The following ADAMTSL1 variants were observed in gnomAD, a reference collection of about 807,000 sequenced individuals.
ADAMTSL1 encodes ADAMTS like 1, also known as ADAMTS-like protein 1.
In ADAMTSL1, 126 loss-of-function variants were observed where a neutral mutation model predicts 201.8. The observed-to-expected ratio is 0.62, with a 90% CI of 0.54 to 0.72. ADAMTSL1 has a LOEUF of 0.72. ADAMTSL1 is among the 30% of genes least tolerant of loss of function. The pLI, the probability that ADAMTSL1 is intolerant of heterozygous loss-of-function variation, is 0.00. For missense variants in ADAMTSL1, 2,679 were observed against 2,277.8 expected (o/e 1.18, Z -3.59); for synonymous variants, 1,121 against 903.4 (o/e 1.24, Z -4.32).
In ADAMTSL1 at chr9:18,512,924, T is replaced by A. The variant is rs141068315; in HGVS notation, c.191+7968T>A. On this transcript the variant is annotated intron_variant, in intron 2 of 28. Coordinates refer to ENST00000380548, the MANE Select transcript of ADAMTSL1 (RefSeq NM_001040272.6). ...TTATTTCTTCAATCTGTGCTTCAAC[T>A]AAAGTGGAAGAAAACTATGTGATAT... is the stretch of plus-strand genomic sequence containing the variant. Among the ~76,000 whole-genome samples, 7 of 152,314 alleles carry A rather than the reference T, an allele frequency of 4.6e-5. No individual in the cohort carries two copies. In the East Asian group the frequency reaches 1.4e-3, roughly 29 times the overall value.
chr9:18,868,403 G>A (rs1827675244), intron 23 of ADAMTSL1, among the ~76,000 whole-genome samples: 2 of 152,204 alleles, frequency 1.3e-5, no homozygotes, highest in South Asian at 2.1e-4. Flanking sequence ...TACATCAAAT[G>A]TCTAGGTTTT....
intron 2 of ADAMTSL1, among the ~76,000 whole-genome samples, chr9:18,254,394 G>C (rs190664919): frequency 1.0e-5 from 1 of 99,338 alleles, no homozygotes; most frequent in Non-Finnish European, 1.8e-5. Flanking sequence ...ATGGAATCTC[G>C]CTCTGTCCCC....
intron 19 of ADAMTSL1, among the ~76,000 whole-genome samples, chr9:18,794,113 C>T (rs184712899): frequency 1.7e-3 from 261 of 151,948 alleles, no homozygotes; most frequent in Middle Eastern, 6.8e-3. Flanking sequence ...CTTTATTCTA[C>T]TGGGAACCTA....
At position 18,369,785 on chromosome 9, in the gene ADAMTSL1, G is replaced by A. The variant is rs533284044; in HGVS notation, c.208-135044G>A. On this transcript the variant is annotated intron_variant, in intron 2 of 29. Transcript: ENST00000680146. Reference sequence around the variant, plus strand: ...ATGGATGCCTGGAAGAAGACAATGCGGTATCTATACACCATGGATACTATG... The same window carrying A: ...ATGGATGCCTGGAAGAAGACAATGCAGTATCTATACACCATGGATACTATG... Among the ~76,000 whole-genome samples, 8 of 152,232 alleles carry A rather than the reference G, an allele frequency of 5.3e-5. No homozygotes were observed. In the East Asian group the frequency reaches 7.7e-4, roughly 15 times the overall value.
At chr9:18,851,192 G>C (rs1826471890) in intron 23 of ADAMTSL1, among the ~76,000 whole-genome samples, 1 of 152,042 alleles carries the variant, frequency 6.6e-6, no homozygotes, top group Non-Finnish European at 1.5e-5. Context: ...CTCTCGATGG[G>C]AGCAGAGATG....
At chr9:18,796,857 C>T (rs1822458018) in intron 20 of ADAMTSL1, 1 of 152,262 alleles carries the variant, frequency 6.6e-6, no homozygotes. Flanking sequence ...CACCCTCCAA[C>T]CTGCTTTAGC....
chr9:18,861,150 T>C (rs935597685), intron 23 of ADAMTSL1, among the ~76,000 whole-genome samples: 2 of 152,116 alleles, frequency 1.3e-5, no homozygotes, highest in Non-Finnish European at 2.9e-5. Context: ...ACAGAGATCA[T>C]ATACACATCC....
In ADAMTSL1 at chr9:17,909,653, T is replaced by TA. The variant is rs1211551239; in HGVS notation, c.87+2737dup. Among the ~76,000 whole-genome samples, 8 of 67,592 alleles carry TA rather than the reference T, an allele frequency of 1.2e-4. 2 individuals are homozygous for TA. The highest frequency in any genetic ancestry group is 2.4e-4 in the African/African-American group (8 of 33,312). The allele number at this position is 67,592 out of a possible 152,430, so 44.3% of individuals were successfully genotyped here. ...TACACCATGGAATACTATGCAGCCA[T>TA]AAAAAATGATGAGTTCATGTCCTTT... is the stretch of plus-strand genomic sequence containing the variant. On this transcript the variant is annotated intron_variant, in intron 1 of 29. Coordinates refer to the ADAMTSL1 transcript ENST00000680146.
intron 1 of ADAMTSL1, among the ~76,000 whole-genome samples, chr9:17,978,831 A>G (rs752485959): frequency 6.6e-6 from 1 of 151,972 alleles, no homozygotes; most frequent in Non-Finnish European, 1.5e-5. Flanking sequence ...AGCTTGAAGA[A>G]CCCTTTAGCA....
chr9:17,918,611 A>C (rs1375534807), intron 1 of ADAMTSL1, among the ~76,000 whole-genome samples: 1 of 151,750 alleles, frequency 6.6e-6, no homozygotes, highest in Non-Finnish European at 1.5e-5. Context: ...ACTTTCTACA[A>C]ATTTGTGCCT....
chr9:18,626,908 T>C (rs2132707951), intron 5 of ADAMTSL1, among the ~76,000 whole-genome samples: 2 of 150,270 alleles, frequency 1.3e-5, no homozygotes, highest in Non-Finnish European at 3.0e-5. Context: ...CCTTTCTTTC[T>C]TTTCTTTTTT....
chr9:18,375,129 T>A (rs1355490668), intron 2 of ADAMTSL1, among the ~76,000 whole-genome samples: 1 of 152,222 alleles, frequency 6.6e-6, no homozygotes, highest in Non-Finnish European at 1.5e-5. Context: ...CATAGTACAC[T>A]CACTCCTGAC....
chr9:18,706,284 A>AATT (rs1832227484), intron 13 of ADAMTSL1, among the ~76,000 whole-genome samples: 1 of 152,192 alleles, frequency 6.6e-6, no homozygotes, highest in African/African-American at 2.4e-5. Context: ...AATGTATTAT[A>AATT]ATTAGTGTAT....
chr9:17,956,577 C>T (rs1440035490), intron 1 of ADAMTSL1, among the ~76,000 whole-genome samples: 1 of 152,102 alleles, frequency 6.6e-6, no homozygotes, highest in Non-Finnish European at 1.5e-5. Context: ...GGTGCTGACC[C>T]ACCTGAAGGT....
At chr9:18,842,105 T>C (rs566687335) in intron 23 of ADAMTSL1, among the ~76,000 whole-genome samples, 35 of 151,894 alleles carry the variant, frequency 2.3e-4, no homozygotes, top group Admixed American at 1.2e-3. Context: ...GCTCTTGCTT[T>C]TCTAGTTCTT....
At chr9:18,092,165 A>G (rs999878392) in intron 1 of ADAMTSL1, among the ~76,000 whole-genome samples, 24 of 152,224 alleles carry the variant, frequency 1.6e-4, no homozygotes, top group African/African-American at 5.3e-4. Flanking sequence ...GGAAAATGAA[A>G]TGAATAAGAC....
chr9:17,967,599 A>G (rs761936256), intron 1 of ADAMTSL1, among the ~76,000 whole-genome samples: 1 of 152,096 alleles, frequency 6.6e-6, no homozygotes, highest in African/African-American at 2.4e-5. Flanking sequence ...AATATTTCCA[A>G]TATAGATCAT....
At chr9:18,071,403 T>G (rs1174083106) in intron 1 of ADAMTSL1, among the ~76,000 whole-genome samples, 1 of 152,192 alleles carries the variant, frequency 6.6e-6, no homozygotes, top group East Asian at 1.9e-4. Context: ...GTTCCTGCCT[T>G]GTATAAAAGG....
At chr9:18,709,071 C>T (rs1832399727) in intron 14 of ADAMTSL1, among the ~76,000 whole-genome samples, 2 of 152,148 alleles carry the variant, frequency 1.3e-5, no homozygotes, top group South Asian at 4.1e-4. Flanking sequence ...GGTAAAGTTA[C>T]TGAAATCTCT....
Sources: gnomAD v4.1 joint callset for allele counts (sites outside exome capture counted in the v4.1 genomes callset) on GRCh38, gnomAD v4.1.1 for gene constraint, MANE v1.5 for transcripts, NCBI Gene and HGNC (gene_info 2026-07-23, HGNC 2026-07-21) for gene names.